Variants in C14orf39 observed in about 807,000 individuals in gnomAD.
The protein encoded by C14orf39 is chromosome 14 open reading frame 39, also known as protein SIX6OS1.
Under a neutral mutation model 85.6 loss-of-function variants are expected in C14orf39, and 66 were observed. The observed-to-expected ratio is 0.77, with a 90% confidence interval of 0.63 to 0.95. The LOEUF (loss-of-function observed/expected upper bound fraction) is 0.95. Among genes scored for constraint, C14orf39 ranks in the 40% least tolerant of loss-of-function variants. The pLI, the probability that C14orf39 is intolerant of heterozygous loss-of-function variation, is 0.00. For synonymous variants in C14orf39, 242 were observed against 214.0 expected, an observed-to-expected ratio of 1.13 and a Z score of -1.14; for missense variants, 735 against 663.9, an observed-to-expected ratio of 1.11 and a Z score of -1.18.
At chr14:60,445,399 A>AT (rs1890716333) in intron 16 of C14orf39, among the ~76,000 whole-genome samples, 1 of 152,166 alleles carries the variant, frequency 6.6e-6, no homozygotes, top group Non-Finnish European at 1.5e-5. Flanking sequence ...AAGGAAAAAA[A>AT]CCAGGAGTTG....
intron 13 of C14orf39, among the ~76,000 whole-genome samples, chr14:60,459,489 T>C (rs77646759): frequency 2.6e-5 from 4 of 151,644 alleles, no homozygotes; most frequent in South Asian, 2.1e-4. Context: ...TCGTGGTAAT[T>C]TGTCATTCTG....
intron 4 of C14orf39, among the ~76,000 whole-genome samples, chr14:60,479,741 C>A (rs1278234475): frequency 6.6e-6 from 1 of 151,994 alleles, no homozygotes; most frequent in Non-Finnish European, 1.5e-5. Flanking sequence ...AGTTGCAGAC[C>A]TTGCTTTTTA....
rs146830125 is a variant in C14orf39 at position 60,511,034 on chromosome 14, C to T, written c.-144+4361G>A. The T allele has an allele frequency of 1.1e-4, 169 of 1,586,758 alleles. No individual in the cohort carries two copies. In the South Asian group the frequency reaches 1.7e-3, roughly 16 times the overall value. ...CGCAGGAGGTGGTGGGGGCGGGCGA[C>T]GGGCGGCTGTGTTACGAGCTGTGAC... On this transcript the variant is annotated intron_variant, in intron 1 of 5. Transcript: ENST00000556799.
At position 60,510,096 on chromosome 14, in the gene C14orf39, G is replaced by T. The variant is rs1893268084; in HGVS notation, c.-144+5299C>A. 3.5e-6 allele frequency: 3 copies of T among 861,882 alleles called. No individual in the cohort carries two copies. The Admixed American group carries it at 6.2e-5, about 18-fold the overall frequency. The allele number at this position is 861,882 out of a possible 1,614,324, so 53.4% of individuals were successfully genotyped here. ...AGGAGTTGGGAGCGCGGTCTGTCTT[G>T]GGTTAAGAGCCCTGCGTTCTGGGCT... On this transcript the variant is annotated intron_variant, in intron 1 of 5. Coordinates refer to the C14orf39 transcript ENST00000556799.
intron 5 of C14orf39, among the ~76,000 whole-genome samples, chr14:60,472,630 C>T (rs1414733508): frequency 2.0e-5 from 3 of 152,058 alleles, no homozygotes; most frequent in Non-Finnish European, 4.4e-5. Context: ...CAATTCCCAC[C>T]TACGAGTGAG....
At chr14:60,466,840 A>C (rs1043488505) in intron 10 of C14orf39, 77 bp downstream of exon 10, 4 of 1,160,058 alleles carry the variant, frequency 3.4e-6, no homozygotes, top group Admixed American at 3.3e-5. Context: ...CAAATGATAA[A>C]TAAAATTGCT....
At chr14:60,499,892 T>G (rs1185620384) in intron 1 of C14orf39, among the ~76,000 whole-genome samples, 1 of 152,226 alleles carries the variant, frequency 6.6e-6, no homozygotes. Flanking sequence ...ATAAATATAT[T>G]AACATGTATA....
In C14orf39 at chr14:60,436,274, A is replaced by G. The variant is rs1890245823; in HGVS notation, c.*571T>C. The G allele has an allele frequency of 6.6e-6, 1 of 152,200 alleles. No individual in the cohort carries two copies. Among genetic ancestry groups the G allele is most frequent in the Non-Finnish European group, 1.5e-5 (1 of 68,020 alleles). The allele number at this position is 152,200 out of a possible 1,614,324, so 9.4% of individuals were successfully genotyped here. On this transcript the variant is annotated 3_prime_UTR_variant, in exon 18 of 18. Transcript: ENST00000321731. ...TTAATTTTTAGCCATTGAAAGCATT[A>G]GCATAACTCATAAAATTAGAATTGT...
chr14:60,476,148 T>G (rs1892367400), intron 5 of C14orf39, among the ~76,000 whole-genome samples: 1 of 152,238 alleles, frequency 6.6e-6, no homozygotes, highest in African/African-American at 2.4e-5. Flanking sequence ...GCATATTTGC[T>G]AATTAAGACC....
At chr14:60,443,665 G>A (rs1890628266) in intron 16 of C14orf39, among the ~76,000 whole-genome samples, 1 of 152,198 alleles carries the variant, frequency 6.6e-6, no homozygotes, top group South Asian at 2.1e-4. Flanking sequence ...TCTGAAGAGA[G>A]CAGTGGTTCT....
intron 17 of C14orf39, among the ~76,000 whole-genome samples, chr14:60,437,914 A>G (rs1890331463): frequency 6.6e-6 from 1 of 151,790 alleles, no homozygotes; most frequent in Non-Finnish European, 1.5e-5. Context: ...TTAAGGAAAA[A>G]TACTGTTTTT....
intron 4 of C14orf39, among the ~76,000 whole-genome samples, chr14:60,479,962 T>C (rs1359019335): frequency 6.6e-6 from 1 of 152,082 alleles, no homozygotes; most frequent in Non-Finnish European, 1.5e-5. Flanking sequence ...ATAAATAACC[T>C]GACATTTTCA....
chr14:60,455,002 T>A lies in C14orf39; in HGVS notation c.1502A>T (p.Gln501Leu). 6.5e-7 allele frequency: 1 copy of A among 1,532,472 alleles called. No homozygotes were observed. The highest frequency in any genetic ancestry group is 8.7e-7 in the Non-Finnish European group (1 of 1,150,648). The allele number at this position is 1,532,472 out of a possible 1,614,324, so 94.9% of individuals were successfully genotyped here. ...SVFDTEISSD[Q>L]FNEHYSARNL... is the part of the protein sequence containing the mutation. Reference sequence around the variant, plus strand: ...AAAACTTTTGGCTTCTCATATTACCTGATCTGATGAGATTTCTGTATCAAA... The same window carrying A: ...AAAACTTTTGGCTTCTCATATTACCAGATCTGATGAGATTTCTGTATCAAA... Residue 501 changes from glutamine to leucine, a missense_variant and splice_region_variant, in exon 16 of 18, where the codon CAG becomes CTG. Physicochemically the swap from Gln to Leu is moderately radical, Grantham distance 113. Coordinates refer to ENST00000321731, the MANE Select transcript of C14orf39 (RefSeq NM_174978.3).
intron 5 of C14orf39, among the ~76,000 whole-genome samples, chr14:60,474,592 TGATA>T (rs1274705485): frequency 1.3e-5 from 2 of 152,180 alleles, no homozygotes; most frequent in African/African-American, 4.8e-5. Context: ...CCTAATTTAT[TGATA>T]GTTTTTAGCA....
intron 7 of C14orf39, 84 bp downstream of exon 7, chr14:60,471,333 T>G: frequency 9.4e-7 from 1 of 1,058,766 alleles, no homozygotes; most frequent in Non-Finnish European, 1.4e-6. Flanking sequence ...CATGTTATTC[T>G]CACAAAGGAA....
intron 13 of C14orf39, among the ~76,000 whole-genome samples, chr14:60,460,730 G>T (rs1891484586): frequency 6.6e-6 from 1 of 151,642 alleles, no homozygotes; most frequent in Non-Finnish European, 1.5e-5. Flanking sequence ...ATTTTCAAGG[G>T]TGTGCCAAAG....
At chr14:60,440,192 A>T (rs1257570217) in intron 17 of C14orf39, among the ~76,000 whole-genome samples, 1 of 152,216 alleles carries the variant, frequency 6.6e-6, no homozygotes, top group African/African-American at 2.4e-5. Context: ...AAATTCCAAA[A>T]TCTGTGTCTC....
chr14:60,474,484 T>C (rs1436602876), intron 5 of C14orf39, among the ~76,000 whole-genome samples: 2 of 120,990 alleles, frequency 1.7e-5, no homozygotes, highest in African/African-American at 5.6e-5. Flanking sequence ...GTGCCAGTTT[T>C]CAAAGGGAAT....
chr14:60,509,253 T>C (rs901034031), intron 1 of C14orf39: 90 of 718,548 alleles, frequency 1.3e-4, no homozygotes, highest in Non-Finnish European at 1.9e-5. Flanking sequence ...TCCCGGCCGT[T>C]GAGCCACCGC....
Sources: allele counts gnomAD v4.1 joint callset (sites outside exome capture counted in the v4.1 genomes callset), GRCh38; gene constraint gnomAD v4.1.1; transcripts MANE v1.5; gene names NCBI Gene and HGNC (gene_info 2026-07-23, HGNC 2026-07-21).